CFTR: variants seen among roughly 807,000 people sequenced by gnomAD.
CFTR encodes the protein cystic fibrosis transmembrane conductance regulator.
A neutral mutation model predicts 171.6 loss-of-function variants in CFTR; 181 were observed. The observed-to-expected ratio is 1.05, with a 90% CI of 0.93 to 1.19. The LOEUF is 1.19. Ranked by LOEUF, CFTR falls within the 50% of genes most tolerant of loss-of-function variation. The pLI, the probability that CFTR is intolerant of heterozygous loss-of-function variation, is 0.00. For missense variants in CFTR, 1,968 were observed against 1,734.7 expected (o/e 1.13, Z -2.39); for synonymous variants, 583 against 608.0 (o/e 0.96, Z 0.60).
chr7:117,541,146 G>T (rs1385757428), intron 8 of CFTR, among the ~76,000 whole-genome samples: 2 of 152,162 alleles, frequency 1.3e-5, no homozygotes, highest in African/African-American at 4.8e-5. Flanking sequence ...GTGAGTTTGA[G>T]ATCTGTGATT....
In CFTR at chr7:117,592,377, C is replaced by T. The variant is rs186089140; in HGVS notation, c.2210C>T (p.Ser737Phe). The T allele has an allele frequency of 8.7e-6, 14 of 1,614,100 alleles. No homozygotes were observed. Among genetic ancestry groups the T allele is most frequent in the Non-Finnish European group, 1.2e-5 (14 of 1,179,994 alleles). Reference protein sequence around the residue: ...DSDEPLERRLSLVPDSEQGEA... With the variant: ...DSDEPLERRLFLVPDSEQGEA... ...GATGAGCCTTTAGAGAGAAGGCTGTCCTTAGTACCAGATTCTGAGCAGGGA... is the reference window on the plus strand; with the variant it reads ...GATGAGCCTTTAGAGAGAAGGCTGTTCTTAGTACCAGATTCTGAGCAGGGA... Residue 737 changes from serine (S) to phenylalanine (F), a missense_variant, in exon 14 of 27, where the codon TCC becomes TTC. Ser to Phe is a radical substitution (Grantham distance 155, BLOSUM62 -2). Coordinates refer to ENST00000003084, the MANE Select transcript of CFTR (RefSeq NM_000492.4).
chr7:117,576,805 T>A (rs542789855), intron 11 of CFTR, among the ~76,000 whole-genome samples: 1 of 152,202 alleles, frequency 6.6e-6, no homozygotes, highest in East Asian at 1.9e-4. Flanking sequence ...TTGTCCTCTA[T>A]ACCCTCACTA....
At chr7:117,579,688 A>G (rs1791823032) in intron 11 of CFTR, among the ~76,000 whole-genome samples, 1 of 150,852 alleles carries the variant, frequency 6.6e-6, no homozygotes, top group Non-Finnish European at 1.5e-5. Flanking sequence ...AAAAAAAACC[A>G]AAGTGCCAAA....
At chr7:117,543,231 C>T (rs371455249) in intron 9 of CFTR, among the ~76,000 whole-genome samples, 4 of 152,140 alleles carry the variant, frequency 2.6e-5, no homozygotes, top group Admixed American at 1.3e-4. Context: ...TGAGCACCAG[C>T]GCTTCATTTT....
intron 11 of CFTR, among the ~76,000 whole-genome samples, chr7:117,577,189 G>T (rs1358801567): frequency 1.3e-5 from 2 of 152,170 alleles, no homozygotes; most frequent in East Asian, 3.8e-4. Flanking sequence ...GTCATGGTGA[G>T]TTTGGAGAAC....
intron 22 of CFTR, among the ~76,000 whole-genome samples, chr7:117,637,800 C>T (rs774129306): frequency 1.3e-5 from 2 of 152,084 alleles, no homozygotes; most frequent in Non-Finnish European, 2.9e-5. Context: ...CTGCTTGAAC[C>T]CAGTAAGTGG....
intron 11 of CFTR, among the ~76,000 whole-genome samples, chr7:117,567,609 G>A (rs947447465): frequency 4.6e-5 from 7 of 152,076 alleles, no homozygotes; most frequent in Non-Finnish European, 1.5e-5. Flanking sequence ...TGGAAACATC[G>A]TGTTTGGCAC....
chr7:117,625,019 T>C (rs1402084311), intron 21 of CFTR, among the ~76,000 whole-genome samples: 3 of 152,152 alleles, frequency 2.0e-5, no homozygotes, highest in Non-Finnish European at 4.4e-5. Flanking sequence ...TAATGTTAGC[T>C]GTCCACATCT....
Position 117,612,046 on chromosome 7 carries a change from TATATATAC to T in CFTR, c.3367+246_3367+253del, listed in dbSNP as rs1342976786. ...ATGTATATATATATATATATATATA[TATATATAC>T]ATATATATATATAGTATTATCCCTG... On this transcript the variant is annotated intron_variant, in intron 20 of 26. Transcript: ENST00000003084. 6.2e-3 allele frequency among the ~76,000 whole-genome samples: 463 copies of T among 74,132 alleles called. 4 individuals are homozygous for T. Among genetic ancestry groups the T allele is most frequent in the Middle Eastern group, 0.012 (2 of 168 alleles). The allele number at this position is 74,132 out of a possible 152,430, so 48.6% of individuals were successfully genotyped here.
At chr7:117,631,793 AT>A (rs1309492421) in intron 22 of CFTR, among the ~76,000 whole-genome samples, 2 of 152,218 alleles carry the variant, frequency 1.3e-5, no homozygotes, top group African/African-American at 4.8e-5. Context: ...TCTGTGAGCC[AT>A]TCTAGCAAAT....
intron 9 of CFTR, among the ~76,000 whole-genome samples, chr7:117,547,826 G>A (rs1187703685): frequency 6.6e-6 from 1 of 152,112 alleles, no homozygotes; most frequent in East Asian, 1.9e-4. Context: ...ATAAAATGAG[G>A]GAAGGACTCA....
intron 1 of CFTR, 78 bp downstream of exon 1, chr7:117,480,225 G>A: frequency 7.5e-7 from 1 of 1,338,782 alleles, no homozygotes; most frequent in Non-Finnish European, 1.1e-6. Context: ...TTGGGTTTGG[G>A]GTAAAGGAAT....
chr7:117,525,326 T>G (rs990903201), intron 3 of CFTR, among the ~76,000 whole-genome samples: 2 of 149,082 alleles, frequency 1.3e-5, no homozygotes, highest in African/African-American at 5.0e-5. Flanking sequence ...TTGGAATAGG[T>G]GTGGTGTGGT....
At chr7:117,665,713 C>G in intron 26 of CFTR, 149 bp downstream of exon 26, 1 of 678,166 alleles carries the variant, frequency 1.5e-6, no homozygotes, top group Non-Finnish European at 2.7e-6. Context: ...CTCAAAATAG[C>G]TGCACAAGTT....
chr7:117,664,533 T>C (rs1793336656), intron 24 of CFTR, among the ~76,000 whole-genome samples, 155 bp from the exon 25 acceptor site: 1 of 152,192 alleles, frequency 6.6e-6, no homozygotes, highest in Non-Finnish European at 1.5e-5. Context: ...GTAAATAGAC[T>C]TTTGCTCAAT....
intron 3 of CFTR, among the ~76,000 whole-genome samples, chr7:117,520,865 T>C (rs1798674429): frequency 6.6e-6 from 1 of 151,962 alleles, no homozygotes; most frequent in Non-Finnish European, 1.5e-5. Flanking sequence ...TGACAGTCCC[T>C]ACTCTTACGG....
chr7:117,588,901 AT>A (rs1347986391), intron 12 of CFTR, among the ~76,000 whole-genome samples: 1 of 152,134 alleles, frequency 6.6e-6, no homozygotes, highest in Non-Finnish European at 1.5e-5. Flanking sequence ...AAATCAATAG[AT>A]ACGGATAATT....
intron 21 of CFTR, among the ~76,000 whole-genome samples, chr7:117,621,274 C>T (rs1407228175): frequency 6.6e-6 from 1 of 152,180 alleles, no homozygotes; most frequent in Non-Finnish European, 1.5e-5. Flanking sequence ...CACTGAACTA[C>T]ATGCTAAGAC....
intron 1 of CFTR, among the ~76,000 whole-genome samples, chr7:117,485,773 C>CTTA (rs1281649294): frequency 1.3e-5 from 2 of 152,138 alleles, no homozygotes; most frequent in Admixed American, 6.6e-5. Context: ...GCTCTGTTAA[C>CTTA]TTATTATTAT....
Sources: gnomAD v4.1 joint callset for allele counts (sites outside exome capture counted in the v4.1 genomes callset) on GRCh38, gnomAD v4.1.1 for gene constraint, MANE v1.5 for transcripts, NCBI Gene and HGNC (gene_info 2026-07-23, HGNC 2026-07-21) for gene names.